Variants in ELAVL2 observed in about 807,000 individuals in gnomAD.
ELAVL2 encodes the protein ELAV like RNA binding protein 2, also known as ELAV-like protein 2.
ELAVL2 carries 4 observed loss-of-function variants against 34.6 expected under a neutral mutation model. The ratio of observed to expected loss-of-function variants is 0.12; its 90% CI spans 0.06 to 0.26. The LOEUF (loss-of-function observed/expected upper bound fraction) is 0.26, where lower values mean the gene tolerates loss of function less well. ELAVL2 is among the 10% of genes least tolerant of loss of function. The probability of loss-of-function intolerance (pLI) is 1.00; values close to 1 mark genes in which losing one functional copy is unlikely to be tolerated. For missense variants in ELAVL2, 432 were observed against 442.8 expected (o/e 0.98, Z 0.22); for synonymous variants, 193 against 154.8 (o/e 1.25, Z -1.83).
intron 2 of ELAVL2, among the ~76,000 whole-genome samples, chr9:23,743,298 C>T (rs191116247): frequency 5.9e-5 from 9 of 152,328 alleles, no homozygotes; most frequent in African/African-American, 1.9e-4. Flanking sequence ...GCAGCTCCTA[C>T]GATTGCCACA....
chr9:23,772,210 C>T (rs1269273856), intron 1 of ELAVL2, among the ~76,000 whole-genome samples: 1 of 152,072 alleles, frequency 6.6e-6, no homozygotes, highest in Non-Finnish European at 1.5e-5. Flanking sequence ...TTGTGAAAGG[C>T]TGATTGGAAA....
In ELAVL2 at chr9:23,740,127, C is replaced by T. The variant is rs145520801; in HGVS notation, c.230-9002G>A. Among the ~76,000 whole-genome samples, 229 of 152,236 alleles carry T rather than the reference C, an allele frequency of 1.5e-3. 1 individual carries two copies. Among genetic ancestry groups the T allele is most frequent in the Middle Eastern group, 6.8e-3 (2 of 294 alleles). Reference sequence around the variant, plus strand: ...AAAGTTAAAGGTTCACCAGCCCAAACCTTCCAGTATGAAAAAGTCAGTAAG... The same window carrying T: ...AAAGTTAAAGGTTCACCAGCCCAAATCTTCCAGTATGAAAAAGTCAGTAAG... On this transcript the variant is annotated intron_variant, in intron 2 of 6. Transcript: ENST00000397312.
intron 1 of ELAVL2, among the ~76,000 whole-genome samples, chr9:23,781,834 G>A (rs1297927823): frequency 1.3e-5 from 2 of 151,920 alleles, no homozygotes; most frequent in African/African-American, 2.4e-5. Flanking sequence ...GCCGGCAACC[G>A]CCACCACGCC....
chr9:23,766,013 G>C (rs2056174283), intron 1 of ELAVL2, among the ~76,000 whole-genome samples: 1 of 152,042 alleles, frequency 6.6e-6, no homozygotes, highest in South Asian at 2.1e-4. Context: ...TGCTTCAAAT[G>C]GTCAATATAA....
At chr9:23,814,331 C>T (rs1160809848) in intron 1 of ELAVL2, among the ~76,000 whole-genome samples, 2 of 152,094 alleles carry the variant, frequency 1.3e-5, no homozygotes, top group Non-Finnish European at 2.9e-5. Context: ...AATAAAGGGA[C>T]AAGTGAGCAG....
In ELAVL2 at chr9:23,691,715, C is replaced by T. The variant is rs889897874; in HGVS notation, c.*842G>A. The stretch of plus-strand genomic sequence containing the variant: ...CCCCATTGATTCTACTCCTTTCATA[C>T]AAAGATCTCAAAAGTATTTTCTACA... On this transcript the variant is annotated 3_prime_UTR_variant, in exon 7 of 7. Transcript: ENST00000397312. 6.6e-6 allele frequency: 1 copy of T among 152,610 alleles called. No individual in the cohort carries two copies. The highest frequency in any genetic ancestry group is 6.5e-5 in the Admixed American group (1 of 15,270). 9.5% of individuals were successfully genotyped at this position (152,610 alleles called of 1,614,324 possible).
intron 1 of ELAVL2, among the ~76,000 whole-genome samples, chr9:23,769,447 C>T (rs929527131): frequency 6.6e-6 from 1 of 152,162 alleles, no homozygotes; most frequent in African/African-American, 2.4e-5. Context: ...TGTGGTTTCA[C>T]TTAATTAAGC....
At chr9:23,770,382 T>C (rs2057091122) in intron 1 of ELAVL2, among the ~76,000 whole-genome samples, 1 of 152,142 alleles carries the variant, frequency 6.6e-6, no homozygotes, top group East Asian at 1.9e-4. Context: ...TTCCCCTCAA[T>C]GTCTACATCC....
At chr9:23,711,563 C>CTT (rs2133690647) in intron 3 of ELAVL2, among the ~76,000 whole-genome samples, 1 of 152,288 alleles carries the variant, frequency 6.6e-6, no homozygotes, top group East Asian at 1.9e-4. Flanking sequence ...AGCTGCCCTC[C>CTT]TTCCAATCAG....
chr9:23,805,574 G>C (rs1449662552), intron 1 of ELAVL2, among the ~76,000 whole-genome samples: 20 of 152,222 alleles, frequency 1.3e-4, no homozygotes, highest in Admixed American at 1.3e-3. Flanking sequence ...CCTTGGGCTT[G>C]TGTGTGTACC....
At chr9:23,743,647 T>A (rs757237637) in intron 2 of ELAVL2, among the ~76,000 whole-genome samples, 5 of 152,186 alleles carry the variant, frequency 3.3e-5, no homozygotes, top group Non-Finnish European at 7.4e-5. Flanking sequence ...GGATACATCT[T>A]TCCTATGAAA....
intron 1 of ELAVL2, among the ~76,000 whole-genome samples, chr9:23,767,509 G>C (rs891881692): frequency 6.6e-6 from 1 of 152,104 alleles, no homozygotes; most frequent in African/African-American, 2.4e-5. Flanking sequence ...GGCCAGACTC[G>C]GCGGCTCACG....
At chr9:23,784,853 G>A (rs185843712) in intron 1 of ELAVL2, among the ~76,000 whole-genome samples, 6 of 152,266 alleles carry the variant, frequency 3.9e-5, no homozygotes, top group Non-Finnish European at 7.4e-5. Context: ...CTTAATATCC[G>A]TAGGGAAAAA....
the ELAVL2 span, among the ~76,000 whole-genome samples, chr9:23,834,377 C>T: frequency 6.6e-6 from 1 of 151,910 alleles, no homozygotes; most frequent in Non-Finnish European, 1.5e-5. Flanking sequence ...GTTTTGACTT[C>T]AGACACATGG....
rs191142492 is a variant in ELAVL2, at chr9:23,724,713, T to C, written c.333+6309A>G. Among the ~76,000 whole-genome samples the C allele has an allele frequency of 8.5e-5, 13 of 152,320 alleles. No homozygotes were observed. The East Asian group carries it at 2.3e-3, about 27-fold the overall frequency. On this transcript the variant is annotated intron_variant, in intron 3 of 6. Coordinates refer to ENST00000397312, the MANE Select transcript of ELAVL2 (RefSeq NM_004432.5). Reference sequence around the variant, plus strand: ...GAGGTGCTGATAATCAGATGTAATATACTGTTAAAACTTGACATGTGGCTG... The same window carrying C: ...GAGGTGCTGATAATCAGATGTAATACACTGTTAAAACTTGACATGTGGCTG...
chr9:23,765,797 T>A (rs2056118434), intron 1 of ELAVL2, among the ~76,000 whole-genome samples: 1 of 152,162 alleles, frequency 6.6e-6, no homozygotes, highest in South Asian at 2.1e-4. Context: ...TCGCATAGGA[T>A]GTCAGCTTTG....
chr9:23,795,083 A>T (rs902051471), intron 1 of ELAVL2, among the ~76,000 whole-genome samples: 5 of 152,230 alleles, frequency 3.3e-5, no homozygotes, highest in Non-Finnish European at 1.5e-5. Flanking sequence ...ACTGCTCTTC[A>T]GACATTAAAA....
the ELAVL2 span, among the ~76,000 whole-genome samples, chr9:23,840,004 A>G: frequency 6.6e-6 from 1 of 152,134 alleles, no homozygotes; most frequent in Non-Finnish European, 1.5e-5. Flanking sequence ...CAATCTGTAT[A>G]TTAAAAAGGC....
intron 2 of ELAVL2, among the ~76,000 whole-genome samples, chr9:23,746,374 A>G (rs1048005929): frequency 6.6e-6 from 1 of 152,190 alleles, no homozygotes; most frequent in Non-Finnish European, 1.5e-5. Context: ...TATTGTTTCA[A>G]TGGAGTTCTA....
Sources: gnomAD v4.1 joint callset for allele counts (sites outside exome capture counted in the v4.1 genomes callset) on GRCh38, gnomAD v4.1.1 for gene constraint, MANE v1.5 for transcripts, NCBI Gene and HGNC (gene_info 2026-07-23, HGNC 2026-07-21) for gene names.